MRE11: variants seen among roughly 807,000 people sequenced by gnomAD.
MRE11 encodes the protein MRE11 double strand break repair nuclease.
In MRE11, 62 loss-of-function variants were observed where a neutral mutation model predicts 91.7. That is an observed-to-expected ratio of 0.68 (90% CI 0.55 to 0.84). MRE11 has a LOEUF of 0.84. Among genes scored for constraint, MRE11 ranks in the 40% least tolerant of loss-of-function variants. The pLI, the probability that MRE11 is intolerant of heterozygous loss-of-function variation, is 0.00. For missense variants in MRE11, 796 were observed against 852.9 expected (o/e 0.93, Z 0.83); for synonymous variants, 273 against 271.4 (o/e 1.01, Z -0.06).
upstream of MRE11, among the ~76,000 whole-genome samples, chr11:94,494,435 C>T (rs1013683129): frequency 6.3e-4 from 96 of 152,172 alleles, no homozygotes; most frequent in Admixed American, 3.9e-4. Flanking sequence ...CTTTCAGTTC[C>T]ATTGAAGGGT....
At chr11:94,485,721 C>T (rs1255582875) in intron 4 of MRE11, among the ~76,000 whole-genome samples, 1 of 151,892 alleles carries the variant, frequency 6.6e-6, no homozygotes, top group East Asian at 1.9e-4. Context: ...ATCCTCCCAC[C>T]TCAGCTTCCC....
At chr11:94,464,574 AAAACAAAC>A (rs201300891) in intron 10 of MRE11, among the ~76,000 whole-genome samples, 8 of 152,200 alleles carry the variant, frequency 5.3e-5, no homozygotes, top group African/African-American at 1.9e-4. Context: ...CTGAACTTTC[AAAACAAAC>A]AAACAAACAA....
chr11:94,457,483 TTA>T (rs1406067805), intron 13 of MRE11, among the ~76,000 whole-genome samples: 11 of 152,194 alleles, frequency 7.2e-5, no homozygotes, highest in African/African-American at 2.7e-4. Flanking sequence ...AGCATGTTTG[TTA>T]TGATTCAGTA....
At chr11:94,466,327 G>C (rs745715383) in intron 10 of MRE11, among the ~76,000 whole-genome samples, 7 of 152,200 alleles carry the variant, frequency 4.6e-5, no homozygotes, top group Non-Finnish European at 7.3e-5. Flanking sequence ...TTAGTGTGGA[G>C]AGAGAAGGAA....
At position 94,415,937 on chromosome 11, in the gene MRE11, A is replaced by AGG. The variant is rs1945023767; in HGVS notation, c.*4187_*4188insCC. 1 of 152,090 alleles carries AGG rather than the reference A, an allele frequency of 6.6e-6. No homozygotes were observed. The highest frequency in any genetic ancestry group is 1.5e-5 in the Non-Finnish European group (1 of 68,046). 9.4% of individuals were successfully genotyped at this position (152,090 alleles called of 1,614,324 possible). On this transcript the variant is annotated 3_prime_UTR_variant, in exon 20 of 20. Coordinates refer to ENST00000323929, the MANE Select transcript of MRE11 (RefSeq NM_005591.4). ...GCAATTCTCCTGCCTCAGCCTCCTGAGTAGTTGGGATTACAGGCGCCCACC... is the reference window on the plus strand; with the variant it reads ...GCAATTCTCCTGCCTCAGCCTCCTGAGGGTAGTTGGGATTACAGGCGCCCACC...
Position 94,417,957 on chromosome 11 carries a change from G to A in MRE11, c.*2168C>T, listed in dbSNP as rs1591618093. The stretch of plus-strand genomic sequence containing the variant: ...ACACCAGAAAGACACTTATTCTTTG[G>A]TAAGTAACAGAAGAATTCCCTACAG... On this transcript the variant is annotated 3_prime_UTR_variant, in exon 20 of 20. Transcript: ENST00000323929. 1 of 232,814 alleles carries A rather than the reference G, an allele frequency of 4.3e-6. No individual in the cohort carries two copies. The highest frequency in any genetic ancestry group is 1.8e-4 in the South Asian group (1 of 5,524). The allele number at this position is 232,814 out of a possible 1,614,324, so 14.4% of individuals were successfully genotyped here. A position where few individuals can be genotyped will look rare whatever the true frequency, so the allele number is the denominator to read the frequency against.
the MRE11 span, among the ~76,000 whole-genome samples, chr11:94,511,575 C>T: frequency 6.6e-6 from 1 of 152,054 alleles, no homozygotes; most frequent in South Asian, 2.1e-4. Context: ...CGTCTTTCAT[C>T]GTAGGAAATC....
chr11:94,465,467 C>T lies in MRE11; in HGVS notation c.1099-1228G>A, dbSNP rs544476274. ...CTGGAATGCAGAGGCACAATCTCAG[C>T]TCACTGCAACCTCTGCCTCCCGGGT... On this transcript the variant is annotated intron_variant, in intron 10 of 19. Transcript: ENST00000323929. Among the ~76,000 whole-genome samples the T allele has an allele frequency of 5.4e-4, 81 of 150,244 alleles. 1 individual carries two copies. Among genetic ancestry groups the T allele is most frequent in the African/African-American group, 1.9e-3 (77 of 40,586 alleles).
chr11:94,439,121 C>T (rs1347492709), intron 16 of MRE11, among the ~76,000 whole-genome samples: 1 of 152,100 alleles, frequency 6.6e-6, no homozygotes, highest in Non-Finnish European at 1.5e-5. Flanking sequence ...AATAAATTTC[C>T]ATACTCCATG....
chr11:94,474,331 A>T (rs1451786935), intron 7 of MRE11, among the ~76,000 whole-genome samples: 1 of 152,148 alleles, frequency 6.6e-6, no homozygotes, highest in Non-Finnish European at 1.5e-5. Context: ...GAAGACATTG[A>T]AAGGACACAG....
chr11:94,486,416 C>T (rs996353505), intron 3 of MRE11, among the ~76,000 whole-genome samples: 8 of 152,172 alleles, frequency 5.3e-5, no homozygotes, highest in African/African-American at 1.9e-4. Context: ...CAAATTCAAT[C>T]CAAATCATTC....
intron 1 of MRE11, among the ~76,000 whole-genome samples, chr11:94,493,433 T>A (rs908333821): frequency 1.3e-5 from 2 of 152,036 alleles, no homozygotes; most frequent in African/African-American, 4.8e-5. Context: ...GCAGGATGAC[T>A]GAAAATAGCC....
chr11:94,421,417 AAG>A, intron 19 of MRE11, among the ~76,000 whole-genome samples: 1 of 152,358 alleles, frequency 6.6e-6, no homozygotes, highest in East Asian at 1.9e-4. Flanking sequence ...GCTGCTATCA[AAG>A]ACAAAACTTA....
At chr11:94,455,682 T>G (rs1269252958) in intron 14 of MRE11, among the ~76,000 whole-genome samples, 2 of 152,284 alleles carry the variant, frequency 1.3e-5, no homozygotes, top group South Asian at 4.1e-4. Context: ...GAATAGATAA[T>G]AGAAATTGTC....
chr11:94,447,399 C>A lies in MRE11; in HGVS notation c.1603G>T (p.Glu535Ter), dbSNP rs1440482403. The change falls in exon 15 of 20, where the codon GAG (glutamate) becomes TAG (stop). Residue 535 changes from glutamate to a stop codon, truncating the protein, a stop_gained. Transcript: ENST00000323929. LOFTEE classifies it high-confidence loss of function. ...RARALRSQSE[E>*]SASAFSADDL... ...TCAGCACTAAAGGCAGAAGCAGACT[C>A]CTCTGACTGAGATCTGAGTGCTCTG... 11 of 1,614,028 alleles carry A rather than the reference C, an allele frequency of 6.8e-6. No individual in the cohort carries two copies. In the South Asian group the frequency reaches 1.2e-4, roughly 18 times the overall value.
chr11:94,471,666 T>G lies in MRE11; in HGVS notation c.753A>C (p.Ile251=), dbSNP rs544844010. 20 of 1,612,866 alleles carry G rather than the reference T, an allele frequency of 1.2e-5. No individual in the cohort carries two copies. The highest frequency in any genetic ancestry group is 1.0e-4 in the Admixed American group (6 of 59,900). The part of the protein sequence containing the change: ...VIWGHEHECK[I]APTKNEQQLF... ...GCTGTTGTTCATTTTTGGTTGGAGC[T>G]ATTTTACACTCATGTTCATGGCCCC... is the stretch of plus-strand genomic sequence containing the variant. Residue 251 remains isoleucine (I), a synonymous_variant, in exon 8 of 20, where the codon ATA becomes ATC. Transcript: ENST00000323929.
At chr11:94,431,612 C>T (rs1271955690) in intron 18 of MRE11, among the ~76,000 whole-genome samples, 1 of 152,160 alleles carries the variant, frequency 6.6e-6, no homozygotes, top group East Asian at 1.9e-4. Flanking sequence ...GGTCAGAATG[C>T]CTGGACTGTA....
chr11:94,417,144 T>A lies in MRE11; in HGVS notation c.*2981A>T, dbSNP rs1018760681. ...GGCACACACCACCATGCCCAGCTAA[T>A]CTTTTGTATTTTTAGTAGAGACGAG... On this transcript the variant is annotated 3_prime_UTR_variant, in exon 20 of 20. Transcript: ENST00000323929. 1.3e-4 allele frequency: 21 copies of A among 161,072 alleles called. No homozygotes were observed. Among genetic ancestry groups the A allele is most frequent in the Non-Finnish European group, 2.3e-4 (17 of 73,344 alleles). 10.0% of individuals were successfully genotyped at this position (161,072 alleles called of 1,614,324 possible). A position where few individuals can be genotyped will look rare whatever the true frequency, so the allele number is the denominator to read the frequency against.
chr11:94,419,038 A>G lies in MRE11; in HGVS notation c.*1087T>C, dbSNP rs1053325972. The G allele has an allele frequency of 4.3e-6, 1 of 231,834 alleles. No individual in the cohort carries two copies. Among genetic ancestry groups the G allele is most frequent in the African/African-American group, 2.2e-5 (1 of 45,298 alleles). The allele number at this position is 231,834 out of a possible 1,614,324, so 14.4% of individuals were successfully genotyped here. ...TTGAATTTTAAAGTAAAGCTGTCGC[A>G]TAAAACTAGAAGAAGGAATAATCTC... is the stretch of plus-strand genomic sequence containing the variant. On this transcript the variant is annotated 3_prime_UTR_variant, in exon 20 of 20. Transcript: ENST00000323929.
Sources: gnomAD v4.1 joint callset for allele counts (sites outside exome capture counted in the v4.1 genomes callset) on GRCh38, gnomAD v4.1.1 for gene constraint, MANE v1.5 for transcripts, NCBI Gene and HGNC (gene_info 2026-07-23, HGNC 2026-07-21) for gene names.